Variants in SPON1 observed in about 807,000 individuals in gnomAD.
SPON1 encodes spondin-1.
A neutral mutation model predicts 111.7 loss-of-function variants in SPON1; 52 were observed. The observed-to-expected ratio is 0.47, with a 90% CI of 0.37 to 0.59. SPON1 has a LOEUF of 0.59. Among genes scored for constraint, SPON1 ranks in the 20% least tolerant of loss-of-function variants. The pLI, the probability that SPON1 is intolerant of heterozygous loss-of-function variation, is 0.00. For synonymous variants in SPON1, 410 were observed against 395.8 expected, an observed-to-expected ratio of 1.04 and a Z score of -0.43; for missense variants, 957 against 1,068.5, an observed-to-expected ratio of 0.90 and a Z score of 1.46.
intron 3 of SPON1, among the ~76,000 whole-genome samples, chr11:14,072,357 T>G (rs1008498707): frequency 6.6e-6 from 1 of 152,138 alleles, no homozygotes; most frequent in East Asian, 1.9e-4. Flanking sequence ...AAAATTTTTA[T>G]AATCATATAT....
intron 5 of SPON1, among the ~76,000 whole-genome samples, chr11:14,132,949 C>A (rs1339255300): frequency 1.3e-5 from 2 of 152,124 alleles, no homozygotes; most frequent in Non-Finnish European, 2.9e-5. Flanking sequence ...GCATTATCAT[C>A]CCTGAATTAC....
intron 4 of SPON1, among the ~76,000 whole-genome samples, chr11:14,075,695 A>C (rs1848911792): frequency 6.6e-6 from 1 of 152,176 alleles, no homozygotes; most frequent in East Asian, 1.9e-4. Flanking sequence ...TATTCTGAAG[A>C]GGTTCCTTGG....
At chr11:14,110,490 C>A (rs1300337040) in intron 5 of SPON1, among the ~76,000 whole-genome samples, 1 of 152,146 alleles carries the variant, frequency 6.6e-6, no homozygotes, top group Non-Finnish European at 1.5e-5. Context: ...GGAGAATTAG[C>A]TCACACAATT....
chr11:14,145,885 C>T (rs556518265), intron 6 of SPON1, among the ~76,000 whole-genome samples: 1 of 152,196 alleles, frequency 6.6e-6, no homozygotes, highest in South Asian at 2.1e-4. Context: ...ATACAGAATG[C>T]TCCCTGGTGT....
At chr11:14,107,329 T>C (rs10734220) in intron 5 of SPON1, among the ~76,000 whole-genome samples, 113,822 of 152,056 alleles carry the variant, frequency 0.75, 42,929 homozygotes, top group East Asian at 0.87. Context: ...CACACATTGA[T>C]ATTCAAGGCA....
intron 2 of SPON1, among the ~76,000 whole-genome samples, chr11:14,039,552 T>G (rs906213904): frequency 1.3e-5 from 2 of 152,162 alleles, no homozygotes; most frequent in Admixed American, 6.5e-5. Flanking sequence ...TTTTAAAAAA[T>G]GAAGTTGGAT....
At chr11:14,040,597 AAAAAG>A (rs1238185306) in intron 2 of SPON1, among the ~76,000 whole-genome samples, 1 of 152,190 alleles carries the variant, frequency 6.6e-6, no homozygotes, top group Non-Finnish European at 1.5e-5. Context: ...CTGTTGTCCT[AAAAAG>A]AAAAGGAATT....
At chr11:14,219,427 A>T (rs1162405374) in intron 6 of SPON1, among the ~76,000 whole-genome samples, 1 of 152,182 alleles carries the variant, frequency 6.6e-6, no homozygotes, top group Non-Finnish European at 1.5e-5. Context: ...GAGAGCAGGT[A>T]CCCTCTAAGA....
In SPON1 at chr11:13,966,227, A is replaced by G. The variant is rs189219273; in HGVS notation, c.238+3085A>G. Among the ~76,000 whole-genome samples the G allele has an allele frequency of 2.0e-5, 3 of 152,136 alleles. No individual in the cohort carries two copies. In the East Asian group the frequency reaches 5.8e-4, roughly 29 times the overall value. On this transcript the variant is annotated intron_variant, in intron 1 of 15. Coordinates refer to ENST00000576479, the MANE Select transcript of SPON1 (RefSeq NM_006108.4). ...GTCCCCCCTCCCTCCAACGGCAATAATTGTGCTTTAGAAAGCTCTGAAAGG... is the reference window on the plus strand; with the variant it reads ...GTCCCCCCTCCCTCCAACGGCAATAGTTGTGCTTTAGAAAGCTCTGAAAGG...
At chr11:14,230,195 C>A (rs1591419513) in intron 6 of SPON1, among the ~76,000 whole-genome samples, 1 of 152,188 alleles carries the variant, frequency 6.6e-6, no homozygotes, top group African/African-American at 2.4e-5. Flanking sequence ...TTATTTGATA[C>A]TAATGTGCTG....
chr11:13,982,452 T>A (rs782582641), intron 1 of SPON1, among the ~76,000 whole-genome samples: 6 of 152,204 alleles, frequency 3.9e-5, no homozygotes, highest in Non-Finnish European at 8.8e-5. Context: ...GCCACAAAGG[T>A]CATCCTACAG....
rs1554909869 is a variant in SPON1, at chr11:13,982,915, G to A, written c.307G>A (p.Glu103Lys). 2 of 1,558,862 alleles carry A rather than the reference G, an allele frequency of 1.3e-6. No homozygotes were observed. The highest frequency in any genetic ancestry group is 4.8e-5 in the East Asian group (2 of 41,634). The change falls in exon 2 of 16, where the codon GAG becomes AAG. Residue 103 changes from glutamate to lysine, a missense_variant. Glu to Lys is a moderately conservative substitution (Grantham distance 56). Coordinates refer to ENST00000576479, the MANE Select transcript of SPON1 (RefSeq NM_006108.4). ...ATTAATTGCCCTCAGAGAGAACAGA[G>A]AGGGTGATAAGGAAGAAGACCATGC... The part of the protein sequence containing the change: ...FTLIALRENR[E>K]GDKEEDHAGT...
At chr11:14,013,151 G>T (rs1969541) in intron 2 of SPON1, among the ~76,000 whole-genome samples, 97,285 of 152,054 alleles carry the variant, frequency 0.64, 31,662 homozygotes, top group African/African-American at 0.75. Flanking sequence ...GCTGGGAATA[G>T]AGATCCAGGC....
At chr11:14,240,704 G>A (rs1050623243) in intron 6 of SPON1, among the ~76,000 whole-genome samples, 2 of 150,952 alleles carry the variant, frequency 1.3e-5, no homozygotes, top group East Asian at 3.9e-4. Context: ...TAACTGTAAA[G>A]CAAGGTGAAT....
intron 6 of SPON1, among the ~76,000 whole-genome samples, chr11:14,220,200 T>G (rs1327543371): frequency 1.3e-5 from 2 of 152,150 alleles, no homozygotes; most frequent in South Asian, 4.1e-4. Context: ...GCATGTCTTC[T>G]ACATCTTGAA....
intron 2 of SPON1, among the ~76,000 whole-genome samples, chr11:13,993,080 A>C (rs1391160046): frequency 6.6e-6 from 1 of 150,390 alleles, no homozygotes; most frequent in Non-Finnish European, 1.5e-5. Context: ...ACTTTGAGAG[A>C]GGGTTACTTT....
intron 6 of SPON1, among the ~76,000 whole-genome samples, chr11:14,230,135 T>C (rs1554938511): frequency 1.3e-5 from 2 of 152,226 alleles, no homozygotes; most frequent in East Asian, 3.9e-4. Flanking sequence ...GGAGAGCTGT[T>C]ACTTTGCATT....
At chr11:14,234,295 C>A (rs1304326482) in intron 6 of SPON1, among the ~76,000 whole-genome samples, 1 of 152,200 alleles carries the variant, frequency 6.6e-6, no homozygotes, top group African/African-American at 2.4e-5. Context: ...CTGTGGCCCC[C>A]TTTTCCCTTC....
chr11:14,136,323 G>A (rs1462862716), intron 6 of SPON1, among the ~76,000 whole-genome samples: 1 of 152,196 alleles, frequency 6.6e-6, no homozygotes, highest in Admixed American at 6.5e-5. Context: ...GAGAGCACAT[G>A]GCAGCATGTC....
Sources: allele counts gnomAD v4.1 joint callset (sites outside exome capture counted in the v4.1 genomes callset), GRCh38; gene constraint gnomAD v4.1.1; transcripts MANE v1.5; gene names NCBI Gene and HGNC (gene_info 2026-07-23, HGNC 2026-07-21).